ARHGAP6: variants seen among roughly 807,000 people sequenced by gnomAD.
ARHGAP6 encodes Rho GTPase activating protein 6, also known as rho GTPase-activating protein 6.
In ARHGAP6, 16 loss-of-function variants were observed where a neutral mutation model predicts 55.7. That is an observed-to-expected ratio of 0.29 (90% CI 0.19 to 0.44). The LOEUF (loss-of-function observed/expected upper bound fraction) is 0.44, where lower values mean the gene tolerates loss of function less well. Among genes scored for constraint, ARHGAP6 ranks in the 20% least tolerant of loss-of-function variants. The probability of loss-of-function intolerance (pLI) is 1.00; values close to 1 mark genes in which losing one functional copy is unlikely to be tolerated. For synonymous variants in ARHGAP6, 382 were observed against 360.9 expected, an observed-to-expected ratio of 1.06 and a Z score of -0.66; for missense variants, 698 against 808.9, an observed-to-expected ratio of 0.86 and a Z score of 1.66.
chrX:11,367,786 C>T lies in ARHGAP6; in HGVS notation c.589-113079G>A, dbSNP rs2049100224. 5 of 753,466 alleles carry T rather than the reference C, an allele frequency of 6.6e-6. No homozygotes were observed. In the South Asian group the frequency reaches 2.7e-4, roughly 41 times the overall value. 62.1% of individuals were successfully genotyped at this position (753,466 alleles called of 1,213,427 possible). A position where few individuals can be genotyped will look rare whatever the true frequency, so the allele number is the denominator to read the frequency against. On this transcript the variant is annotated intron_variant, in intron 1 of 12. Coordinates refer to ENST00000337414, the MANE Select transcript of ARHGAP6 (RefSeq NM_013427.3). ...AGGATGTTACCTCCAGATTGTGGGA[C>T]TTCCAGGCTTCCGCCCTATCAGGCA...
At chrX:11,212,644 G>A (rs1297386882) in intron 2 of ARHGAP6, among the ~76,000 whole-genome samples, 1 of 111,958 alleles carries the variant, frequency 8.9e-6, no homozygotes, top group East Asian at 2.8e-4. Flanking sequence ...GGAGAGAACT[G>A]ACTGATAATG....
chrX:11,391,634 G>T (rs960887793), intron 1 of ARHGAP6, among the ~76,000 whole-genome samples: 1 of 112,174 alleles, frequency 8.9e-6, no homozygotes. Flanking sequence ...TTCAAGTTTT[G>T]CTGTACGTTC....
At chrX:11,308,616 G>A in intron 1 of ARHGAP6, among the ~76,000 whole-genome samples, 1 of 111,539 alleles carries the variant, frequency 9.0e-6, no homozygotes, top group Middle Eastern at 4.6e-3. Flanking sequence ...AGTACCCAAT[G>A]ATTGAGACCC....
chrX:11,439,978 T>A (rs1364639120), intron 1 of ARHGAP6, among the ~76,000 whole-genome samples: 5 of 112,883 alleles, frequency 4.4e-5, no homozygotes, highest in Non-Finnish European at 9.4e-5. Context: ...GCCACTCGCT[T>A]GCCTTGCAAG....
chrX:11,286,412 C>A (rs922585410), intron 1 of ARHGAP6, among the ~76,000 whole-genome samples: 2 of 111,319 alleles, frequency 1.8e-5, no homozygotes, highest in African/African-American at 6.5e-5. Flanking sequence ...CATCTCTTTC[C>A]TATTTGCTAA....
At chrX:11,456,139 C>T (rs2050191939) in intron 1 of ARHGAP6, among the ~76,000 whole-genome samples, 1 of 111,312 alleles carries the variant, frequency 9.0e-6, no homozygotes, top group African/African-American at 3.3e-5. Flanking sequence ...ATATAATATA[C>T]CATACAAAAT....
intron 1 of ARHGAP6, among the ~76,000 whole-genome samples, chrX:11,421,872 T>C (rs999030273): frequency 8.9e-6 from 1 of 112,077 alleles, no homozygotes; most frequent in Non-Finnish European, 1.9e-5. Flanking sequence ...AAGCTAATTT[T>C]TAGTCTCGTC....
At chrX:11,139,616 T>G in intron 12 of ARHGAP6, 86 bp from the exon 13 acceptor site, 2 of 978,040 alleles carry the variant, frequency 2.0e-6, no homozygotes, top group Non-Finnish European at 2.7e-6. Context: ...TCCTTCCCAC[T>G]TCTACGACGT....
At chrX:11,263,278 TG>T (rs1318486158) in intron 1 of ARHGAP6, among the ~76,000 whole-genome samples, 1 of 111,374 alleles carries the variant, frequency 9.0e-6, no homozygotes, top group African/African-American at 3.3e-5. Flanking sequence ...GCTGGTTCCC[TG>T]TTGCCTTCCA....
intron 1 of ARHGAP6, among the ~76,000 whole-genome samples, chrX:11,360,379 C>T (rs1292965259): frequency 3.6e-5 from 4 of 110,103 alleles, no homozygotes; most frequent in African/African-American, 1.3e-4. Flanking sequence ...TGTAATCCAG[C>T]ATATAAACAG....
intron 1 of ARHGAP6, among the ~76,000 whole-genome samples, chrX:11,633,077 C>T (rs1193950422): frequency 1.8e-5 from 2 of 112,244 alleles, no homozygotes; most frequent in Non-Finnish European, 3.8e-5. Flanking sequence ...AAACTACACC[C>T]TTGCTTGGCT....
At chrX:11,562,722 T>G (rs1195006813) in intron 1 of ARHGAP6, among the ~76,000 whole-genome samples, 1 of 111,399 alleles carries the variant, frequency 9.0e-6, no homozygotes, top group East Asian at 2.8e-4. Flanking sequence ...ATTTGAAAGT[T>G]AAACCTCCTC....
At chrX:11,485,876 T>C (rs2050506562) in intron 1 of ARHGAP6, among the ~76,000 whole-genome samples, 1 of 112,018 alleles carries the variant, frequency 8.9e-6, no homozygotes, top group African/African-American at 3.3e-5. Flanking sequence ...GTGGGTGCCT[T>C]ACTGCCTTTT....
At position 11,520,883 on chromosome X, in the gene ARHGAP6, A is replaced by G. The variant is rs779631869; in HGVS notation, c.588+143358T>C. Reference sequence around the variant, plus strand: ...CTGGTGTGAGATGGTATCTCATTGCAGTTTTGATTTGCATTTCTCTGATGG... The same window carrying G: ...CTGGTGTGAGATGGTATCTCATTGCGGTTTTGATTTGCATTTCTCTGATGG... On this transcript the variant is annotated intron_variant, in intron 1 of 12. Coordinates refer to ENST00000337414, the MANE Select transcript of ARHGAP6 (RefSeq NM_013427.3). Among the ~76,000 whole-genome samples the G allele has an allele frequency of 1.3e-4, 14 of 111,766 alleles. No individual in the cohort carries two copies. In the South Asian group the frequency reaches 1.5e-3, roughly 12 times the overall value.
At chrX:11,269,774 T>G (rs1468600713) in intron 1 of ARHGAP6, among the ~76,000 whole-genome samples, 4 of 111,849 alleles carry the variant, frequency 3.6e-5, no homozygotes, top group Non-Finnish European at 5.7e-5. Flanking sequence ...CCAATGTATA[T>G]TCTCTCATTG....
intron 1 of ARHGAP6, among the ~76,000 whole-genome samples, chrX:11,342,029 A>T: frequency 1.0e-5 from 1 of 99,681 alleles, no homozygotes; most frequent in Non-Finnish European, 2.0e-5. Flanking sequence ...AAATATTTGG[A>T]TATCTGACTC....
intron 1 of ARHGAP6, among the ~76,000 whole-genome samples, chrX:11,345,261 TC>T (rs56874871): frequency 0.059 from 6,546 of 111,869 alleles, 211 homozygotes; most frequent in African/African-American, 0.12. Flanking sequence ...TTCTTTCTAT[TC>T]TTTTGCCTCT....
chrX:11,365,880 G>T (rs1033368263), intron 1 of ARHGAP6, among the ~76,000 whole-genome samples: 5 of 112,169 alleles, frequency 4.5e-5, no homozygotes, highest in African/African-American at 1.6e-4. Context: ...AATATCATTT[G>T]CTTTTCACAG....
chrX:11,461,803 C>T (rs758119032), intron 1 of ARHGAP6, among the ~76,000 whole-genome samples: 2 of 111,894 alleles, frequency 1.8e-5, no homozygotes, highest in African/African-American at 6.5e-5. Context: ...GGACTTTAGA[C>T]TTCCTGCAGG....
Sources: allele counts gnomAD v4.1 joint callset (sites outside exome capture counted in the v4.1 genomes callset), GRCh38; gene constraint gnomAD v4.1.1; transcripts MANE v1.5; gene names NCBI Gene and HGNC (gene_info 2026-07-23, HGNC 2026-07-21).